The following PPM1L variants were observed in gnomAD, a reference collection of about 807,000 sequenced individuals.
PPM1L encodes protein phosphatase 1L.
In PPM1L, 13 loss-of-function variants were observed where a neutral mutation model predicts 31.4. The observed-to-expected ratio is 0.41, with a 90% CI of 0.27 to 0.66. The LOEUF (loss-of-function observed/expected upper bound fraction) is 0.66, where lower values mean the gene tolerates loss of function less well. Among genes scored for constraint, PPM1L ranks in the 30% least tolerant of loss-of-function variants. The probability of loss-of-function intolerance (pLI) is 0.29; values close to 1 mark genes in which losing one functional copy is unlikely to be tolerated. For synonymous variants in PPM1L, 184 were observed against 175.4 expected (o/e 1.05, Z -0.39); for missense variants, 326 against 453.7 (o/e 0.72, Z 2.56).
chr3:161,035,398 G>C lies in PPM1L; in HGVS notation c.575-30005G>C, dbSNP rs1559932243. Among the ~76,000 whole-genome samples the C allele has an allele frequency of 2.0e-5, 3 of 152,212 alleles. No homozygotes were observed. The South Asian group carries it at 6.2e-4, about 31-fold the overall frequency. On this transcript the variant is annotated intron_variant, in intron 2 of 3. Coordinates refer to ENST00000498165, the MANE Select transcript of PPM1L (RefSeq NM_139245.4). ...CAGCGCCCCTCGGCCAAAGAGGAAA[G>C]AGCTAATTTTGAGATAAGTAACCAT... is the stretch of plus-strand genomic sequence containing the variant.
At chr3:160,950,741 G>A (rs1206351946) in intron 1 of PPM1L, among the ~76,000 whole-genome samples, 1 of 152,194 alleles carries the variant, frequency 6.6e-6, no homozygotes, top group African/African-American at 2.4e-5. Flanking sequence ...TACCTTCTAA[G>A]CAGCTGCTCT....
chr3:160,758,161 C>T (rs1714861925), intron 1 of PPM1L, among the ~76,000 whole-genome samples: 1 of 152,050 alleles, frequency 6.6e-6, no homozygotes, highest in South Asian at 2.1e-4. Flanking sequence ...AATTTGTAAC[C>T]TCTTGGGTAG....
At chr3:160,821,142 A>G (rs1241035501) in intron 1 of PPM1L, among the ~76,000 whole-genome samples, 3 of 151,984 alleles carry the variant, frequency 2.0e-5, no homozygotes, top group Admixed American at 2.0e-4. Flanking sequence ...CCTTGAAAGC[A>G]CACATCTTTT....
At chr3:160,900,621 TTACCTA>T (rs1421428404) in intron 1 of PPM1L, among the ~76,000 whole-genome samples, 1 of 152,098 alleles carries the variant, frequency 6.6e-6, no homozygotes, top group Non-Finnish European at 1.5e-5. Context: ...TAGGTGTACT[TTACCTA>T]TACGTTTTGT....
intron 2 of PPM1L, among the ~76,000 whole-genome samples, chr3:161,010,711 CCTTT>C (rs1717865559): frequency 6.6e-6 from 1 of 152,120 alleles, no homozygotes. Context: ...TTAATGATCG[CCTTT>C]CTAACTGGTG....
chr3:160,804,661 G>A (rs1712542854), intron 1 of PPM1L, among the ~76,000 whole-genome samples: 1 of 152,000 alleles, frequency 6.6e-6, no homozygotes, highest in African/African-American at 2.4e-5. Flanking sequence ...AATCTATTAG[G>A]TCACTCAAAT....
chr3:160,854,655 G>A (rs112978586), intron 1 of PPM1L, among the ~76,000 whole-genome samples: 1 of 151,744 alleles, frequency 6.6e-6, no homozygotes, highest in Non-Finnish European at 1.5e-5. Context: ...CGGCAGATCA[G>A]GGAGGTAAAA....
intron 1 of PPM1L, among the ~76,000 whole-genome samples, chr3:160,806,094 G>T (rs1031622544): frequency 3.3e-5 from 5 of 152,062 alleles, no homozygotes; most frequent in Non-Finnish European, 7.3e-5. Flanking sequence ...GAGCCCTCTA[G>T]GTACCCTGGA....
intron 1 of PPM1L, among the ~76,000 whole-genome samples, chr3:160,940,452 GT>G (rs1715125070): frequency 6.6e-6 from 1 of 152,142 alleles, no homozygotes; most frequent in East Asian, 1.9e-4. Context: ...GGAAAAAGTG[GT>G]TTTGTGGGCT....
At chr3:160,784,559 C>T (rs577632367) in intron 1 of PPM1L, among the ~76,000 whole-genome samples, 11 of 152,320 alleles carry the variant, frequency 7.2e-5, no homozygotes, top group African/African-American at 2.6e-4. Flanking sequence ...TGCAATAAAA[C>T]AGAGAAGAAT....
At chr3:160,922,293 A>C (rs530268096) in intron 1 of PPM1L, among the ~76,000 whole-genome samples, 3 of 152,090 alleles carry the variant, frequency 2.0e-5, no homozygotes, top group Non-Finnish European at 4.4e-5. Flanking sequence ...CTGGGTGACA[A>C]AGCGAGACTC....
At chr3:160,828,137 G>C (rs1285609418) in intron 1 of PPM1L, among the ~76,000 whole-genome samples, 1 of 152,078 alleles carries the variant, frequency 6.6e-6, no homozygotes, top group East Asian at 1.9e-4. Flanking sequence ...GATTTGAGGG[G>C]TGGGGAGTGG....
At chr3:160,943,882 C>T (rs1715236758) in intron 1 of PPM1L, among the ~76,000 whole-genome samples, 1 of 152,132 alleles carries the variant, frequency 6.6e-6, no homozygotes, top group Non-Finnish European at 1.5e-5. Context: ...CTTGTATCAA[C>T]ACAATGTGTT....
At chr3:160,901,789 T>G (rs989585165) in intron 1 of PPM1L, among the ~76,000 whole-genome samples, 3 of 152,218 alleles carry the variant, frequency 2.0e-5, no homozygotes, top group African/African-American at 7.2e-5. Context: ...AGAATTCTGA[T>G]CAGACCAATT....
intron 2 of PPM1L, among the ~76,000 whole-genome samples, chr3:160,972,919 G>T (rs900910831): frequency 1.9e-4 from 29 of 152,156 alleles, no homozygotes; most frequent in Non-Finnish European, 4.0e-4. Flanking sequence ...GTATCTCACT[G>T]TGGTTTTGAT....
chr3:160,764,031 C>T (rs78630385), intron 1 of PPM1L, among the ~76,000 whole-genome samples: 18,590 of 152,156 alleles, frequency 0.12, 2,092 homozygotes, highest in African/African-American at 0.3. Flanking sequence ...ATAGATATTA[C>T]AGAAAAGAAG....
rs1720146902 is a variant in PPM1L, at chr3:161,077,626, T to A, written c.*8469T>A. The A allele has an allele frequency of 6.6e-6, 1 of 152,188 alleles. No individual in the cohort carries two copies. The highest frequency in any genetic ancestry group is 6.5e-5 in the Admixed American group (1 of 15,274). The allele number at this position is 152,188 out of a possible 1,614,324, so 9.4% of individuals were successfully genotyped here. On this transcript the variant is annotated 3_prime_UTR_variant, in exon 4 of 4. Coordinates refer to ENST00000498165, the MANE Select transcript of PPM1L (RefSeq NM_139245.4). ...TATCTTCAGTGTTCCTGAGTGTAAA[T>A]CAGTGAATCTGTTATATAGAAAGTT...
intron 1 of PPM1L, among the ~76,000 whole-genome samples, chr3:160,850,826 C>T (rs1711503809): frequency 2.0e-5 from 3 of 151,450 alleles, no homozygotes; most frequent in Admixed American, 2.0e-4. Flanking sequence ...CCATTGATTC[C>T]ATAGAGGGAG....
chr3:161,016,352 T>C (rs959694310), intron 2 of PPM1L, among the ~76,000 whole-genome samples: 19 of 152,248 alleles, frequency 1.2e-4, no homozygotes, highest in Non-Finnish European at 2.2e-4. Flanking sequence ...CCTAAGGAGC[T>C]TGTAGTCTTG....
Sources: allele counts gnomAD v4.1 joint callset (sites outside exome capture counted in the v4.1 genomes callset), GRCh38; gene constraint gnomAD v4.1.1; transcripts MANE v1.5; gene names NCBI Gene and HGNC (gene_info 2026-07-23, HGNC 2026-07-21).